PAFAH2: variants seen among roughly 807,000 people sequenced by gnomAD.
PAFAH2 encodes platelet-activating factor acetylhydrolase 2, cytoplasmic.
A neutral mutation model predicts 49.0 loss-of-function variants in PAFAH2; 42 were observed. The observed-to-expected ratio is 0.86, with a 90% CI of 0.67 to 1.11. The LOEUF is 1.11. Among genes scored for constraint, PAFAH2 ranks in the 50% least tolerant of loss-of-function variants. The pLI, the probability that PAFAH2 is intolerant of heterozygous loss-of-function variation, is 0.00. For missense variants in PAFAH2, 503 were observed against 501.8 expected, an observed-to-expected ratio of 1.00 and a Z score of -0.02; for synonymous variants, 184 against 181.3, an observed-to-expected ratio of 1.01 and a Z score of -0.12.
At chr1:25,994,609 T>C (rs1047440341) in intron 1 of PAFAH2, among the ~76,000 whole-genome samples, 3 of 152,190 alleles carry the variant, frequency 2.0e-5, no homozygotes, top group Non-Finnish European at 4.4e-5. Context: ...ATGTGCTGAT[T>C]GAGTGAAAAG....
At chr1:25,978,232 T>C (rs1393416080) in intron 7 of PAFAH2, among the ~76,000 whole-genome samples, 1 of 152,206 alleles carries the variant, frequency 6.6e-6, no homozygotes, top group Non-Finnish European at 1.5e-5. Flanking sequence ...TATATTCATA[T>C]ACCTCTAAAA....
At chr1:25,968,390 T>G (rs1230985902) in intron 10 of PAFAH2, among the ~76,000 whole-genome samples, 3 of 151,692 alleles carry the variant, frequency 2.0e-5, no homozygotes, top group Non-Finnish European at 4.4e-5. Flanking sequence ...ATTTTCTTGG[T>G]GAAGTGGGAG....
chr1:25,992,371 G>C (rs879836782), intron 1 of PAFAH2, among the ~76,000 whole-genome samples: 1 of 152,118 alleles, frequency 6.6e-6, no homozygotes, highest in Non-Finnish European at 1.5e-5. Context: ...GTATGATGTG[G>C]GCAGTAGATC....
At chr1:25,962,762 C>T (rs1334478437) in intron 10 of PAFAH2, among the ~76,000 whole-genome samples, 1 of 149,490 alleles carries the variant, frequency 6.7e-6, no homozygotes, top group Non-Finnish European at 1.5e-5. Flanking sequence ...GAGTTGGCGG[C>T]AGTGAGCTGT....
chr1:25,987,401 T>C (rs1156428492), intron 4 of PAFAH2, among the ~76,000 whole-genome samples: 2 of 151,970 alleles, frequency 1.3e-5, no homozygotes, highest in Non-Finnish European at 2.9e-5. Flanking sequence ...ACATATATGT[T>C]GATGAACAGA....
At chr1:25,965,584 G>C (rs909514716) in intron 10 of PAFAH2, among the ~76,000 whole-genome samples, 1 of 152,120 alleles carries the variant, frequency 6.6e-6, no homozygotes, top group African/African-American at 2.4e-5. Flanking sequence ...GGGAGGCCAA[G>C]GCTGGTGGAT....
At chr1:25,988,787 G>C (rs2049825080) in intron 3 of PAFAH2, among the ~76,000 whole-genome samples, 1 of 99,182 alleles carries the variant, frequency 1.0e-5, no homozygotes, top group Non-Finnish European at 1.8e-5. Flanking sequence ...TGGGCAACAA[G>C]AGCAAGACTC....
intron 10 of PAFAH2, 54 bp downstream of exon 10, chr1:25,972,504 A>G: frequency 6.4e-7 from 1 of 1,569,310 alleles, no homozygotes; most frequent in Non-Finnish European, 8.6e-7. Flanking sequence ...ACTCTGCTGC[A>G]AGGAAATCTA....
At position 25,985,000 on chromosome 1, in the gene PAFAH2, G is replaced by A. The variant is rs368389048; in HGVS notation, c.342-472C>T. On this transcript the variant is annotated intron_variant, in intron 4 of 10. Transcript: ENST00000374282. ...CTCCTGAGTAGCTGGGATTACAGGC[G>A]TGCACCACCATGCCCGGCTAATTTT... Among the ~76,000 whole-genome samples, 23 of 151,942 alleles carry A rather than the reference G, an allele frequency of 1.5e-4. No individual in the cohort carries two copies. The East Asian group carries it at 4.3e-3, about 28-fold the overall frequency.
At chr1:25,992,977 G>A (rs1227290329) in intron 1 of PAFAH2, among the ~76,000 whole-genome samples, 1 of 152,178 alleles carries the variant, frequency 6.6e-6, no homozygotes, top group Admixed American at 6.5e-5. Context: ...CTGTCAAGTG[G>A]CCTTGAACCA....
intron 1 of PAFAH2, among the ~76,000 whole-genome samples, chr1:25,992,694 A>G (rs1370412328): frequency 6.6e-6 from 1 of 152,238 alleles, no homozygotes; most frequent in Non-Finnish European, 1.5e-5. Flanking sequence ...GAATTCGATC[A>G]TGGACAATGT....
At position 25,960,693 on chromosome 1, in the gene PAFAH2, G is replaced by A. The variant is rs1050998968; in HGVS notation, c.*1296C>T. The stretch of plus-strand genomic sequence containing the variant: ...GACAATAAAAGCACCCTGATTCTGA[G>A]CAAGTTGGAGGTTTATAATATTTGA... On this transcript the variant is annotated 3_prime_UTR_variant, in exon 11 of 11. Coordinates refer to ENST00000374282, the MANE Select transcript of PAFAH2 (RefSeq NM_000437.4). 5.2e-5 allele frequency: 8 copies of A among 152,558 alleles called. No individual in the cohort carries two copies. Among genetic ancestry groups the A allele is most frequent in the African/African-American group, 1.9e-4 (8 of 41,436 alleles). The allele number at this position is 152,558 out of a possible 1,614,324, so 9.5% of individuals were successfully genotyped here.
chr1:25,966,586 C>A (rs1277458284), intron 10 of PAFAH2, among the ~76,000 whole-genome samples: 1 of 152,028 alleles, frequency 6.6e-6, no homozygotes, highest in Admixed American at 6.6e-5. Context: ...CATGGACATA[C>A]AGAGTAGAAA....
rs374802944 is a variant in PAFAH2, at chr1:25,997,340, A to C, written c.-48+685T>G. The C allele has an allele frequency of 3.3e-5, 5 of 152,374 alleles. No homozygotes were observed. The East Asian group carries it at 9.6e-4, about 29-fold the overall frequency. 9.4% of individuals were successfully genotyped at this position (152,374 alleles called of 1,614,324 possible). On this transcript the variant is annotated intron_variant, in intron 1 of 10. Coordinates refer to ENST00000374282, the MANE Select transcript of PAFAH2 (RefSeq NM_000437.4). ...AGAAGAGGCCTGATAAGAGTGTTCCAGAGCATTAATAATTGTGATAAAAAT... is the reference window on the plus strand; with the variant it reads ...AGAAGAGGCCTGATAAGAGTGTTCCCGAGCATTAATAATTGTGATAAAAAT...
intron 2 of PAFAH2, 47 bp downstream of exon 2, chr1:25,990,680 C>T: frequency 6.9e-7 from 1 of 1,452,288 alleles, no homozygotes. Flanking sequence ...AGTCACGGTG[C>T]CGGCAGAAGC....
chr1:25,964,469 G>A (rs112773272), intron 10 of PAFAH2, among the ~76,000 whole-genome samples: 2 of 152,188 alleles, frequency 1.3e-5, no homozygotes, highest in African/African-American at 4.8e-5. Flanking sequence ...ACTTTGGGAG[G>A]CTGAGGCAGG....
rs1248203225 is a variant in PAFAH2 at position 25,962,025 on chromosome 1, G to T, written c.1143C>A (p.Leu381=). ...NNLIEGIGPS[L]TPGAPHHLSS... is the part of the protein sequence containing the mutation. ...ACAGATGGTGGGGGGCCCCTGGGGT[G>T]AGCGACGGTCCAATGCCTTCAATAA... The change falls in exon 11 of 11, where the codon CTC becomes CTA. Residue 381 remains leucine (L), a synonymous_variant. Transcript: ENST00000374282. 1 of 1,613,918 alleles carries T rather than the reference G, an allele frequency of 6.2e-7. No individual in the cohort carries two copies. The highest frequency in any genetic ancestry group is 1.3e-5 in the African/African-American group (1 of 74,908).
At chr1:25,967,801 A>G (rs1284182432) in intron 10 of PAFAH2, among the ~76,000 whole-genome samples, 1 of 152,180 alleles carries the variant, frequency 6.6e-6, no homozygotes, top group African/African-American at 2.4e-5. Flanking sequence ...TGAGGTCAAG[A>G]GAAAGTTATT....
chr1:25,988,252 GAGA>G lies in PAFAH2; in HGVS notation c.317_319del (p.Phe106del). ...TTACCTGAAGGCTCCTAGGCCATGG[GAGA>G]AGATGATCAAGGGGTATCCAGAGTC... On this transcript the variant is annotated inframe_deletion, in exon 4 of 11. Transcript: ENST00000374282. 1 of 1,607,024 alleles carries G rather than the reference GAGA, an allele frequency of 6.2e-7. No homozygotes were observed. The highest frequency in any genetic ancestry group is 8.5e-7 in the Non-Finnish European group (1 of 1,176,750).
Sources: gnomAD v4.1 joint callset for allele counts (sites outside exome capture counted in the v4.1 genomes callset) on GRCh38, gnomAD v4.1.1 for gene constraint, MANE v1.5 for transcripts, NCBI Gene and HGNC (gene_info 2026-07-23, HGNC 2026-07-21) for gene names.